Variants in STK32B observed in about 807,000 individuals in gnomAD.
The protein encoded by STK32B is serine/threonine kinase 32B.
STK32B carries 43 observed loss-of-function variants against 52.6 expected under a neutral mutation model. The observed-to-expected ratio is 0.82, with a 90% CI of 0.64 to 1.05. The LOEUF is 1.05. Ranked by LOEUF, STK32B falls within the 50% of genes least tolerant of loss-of-function variation. STK32B has a pLI of 0.00. For synonymous variants in STK32B, 238 were observed against 204.3 expected, an observed-to-expected ratio of 1.17 and a Z score of -1.41; for missense variants, 621 against 534.6, an observed-to-expected ratio of 1.16 and a Z score of -1.59.
intron 4 of STK32B, among the ~76,000 whole-genome samples, chr4:5,356,135 TTA>T (rs1489900939): frequency 1.3e-5 from 2 of 152,072 alleles, no homozygotes; most frequent in Admixed American, 6.5e-5. Context: ...GGAGGTGGCT[TTA>T]TATCTGACTG....
intron 5 of STK32B, among the ~76,000 whole-genome samples, chr4:5,407,990 G>A (rs1409426222): frequency 1.3e-5 from 2 of 152,104 alleles, no homozygotes; most frequent in African/African-American, 4.8e-5. Context: ...TGAGAACACA[G>A]CAAGAAGTTG....
At chr4:5,351,471 G>C (rs904922297) in intron 4 of STK32B, among the ~76,000 whole-genome samples, 2 of 152,016 alleles carry the variant, frequency 1.3e-5, no homozygotes, top group Non-Finnish European at 2.9e-5. Context: ...GCAGTGCTAA[G>C]AGGGAAGTTT....
chr4:5,302,215 A>G (rs975488286), intron 3 of STK32B, among the ~76,000 whole-genome samples: 6 of 151,640 alleles, frequency 4.0e-5, no homozygotes, highest in Admixed American at 1.3e-4. Context: ...ATTGTAAAAA[A>G]AAAAATCACA....
At chr4:5,304,028 T>G (rs1280174549) in intron 3 of STK32B, among the ~76,000 whole-genome samples, 2 of 152,188 alleles carry the variant, frequency 1.3e-5, no homozygotes, top group African/African-American at 4.8e-5. Context: ...TTCTGTTCCA[T>G]TAGTCTATAT....
At chr4:5,337,947 T>C (rs1459114606) in intron 4 of STK32B, among the ~76,000 whole-genome samples, 1 of 152,192 alleles carries the variant, frequency 6.6e-6, no homozygotes, top group Non-Finnish European at 1.5e-5. Context: ...GCTAAATCTT[T>C]GTCTTCCCTA....
chr4:5,283,440 A>G (rs1190852617), intron 3 of STK32B, among the ~76,000 whole-genome samples: 1 of 152,182 alleles, frequency 6.6e-6, no homozygotes, highest in Non-Finnish European at 1.5e-5. Context: ...TAATGGCCCC[A>G]TATTTCCCAA....
chr4:5,337,018 G>A (rs1008557147), intron 4 of STK32B, among the ~76,000 whole-genome samples: 3 of 152,086 alleles, frequency 2.0e-5, no homozygotes, highest in Non-Finnish European at 4.4e-5. Context: ...TTTTGCTGTC[G>A]TTCAGGCTAG....
chr4:5,024,755 A>G, the STK32B span, among the ~76,000 whole-genome samples: 1 of 152,224 alleles, frequency 6.6e-6, no homozygotes, highest in Non-Finnish European at 1.5e-5. Context: ...AGAGCAAGCC[A>G]GAGTATTGGG....
intron 3 of STK32B, among the ~76,000 whole-genome samples, chr4:5,275,094 G>C (rs867240849): frequency 1.3e-5 from 2 of 152,180 alleles, no homozygotes; most frequent in African/African-American, 2.4e-5. Flanking sequence ...AAGAACCCCA[G>C]GTCAGAGAAC....
At chr4:5,040,300 A>AT in the STK32B span, among the ~76,000 whole-genome samples, 1 of 151,318 alleles carries the variant, frequency 6.6e-6, no homozygotes, top group African/African-American at 2.4e-5. Context: ...CAACTCCTTC[A>AT]TTTTTTTCAG....
intron 2 of STK32B, among the ~76,000 whole-genome samples, chr4:5,160,642 CTCAT>C (rs1460610234): frequency 1.3e-5 from 2 of 152,182 alleles, no homozygotes; most frequent in African/African-American, 4.8e-5. Flanking sequence ...ATAGTAATGA[CTCAT>C]TCATTCATTC....
At chr4:5,312,615 C>G (rs1013430216) in intron 3 of STK32B, among the ~76,000 whole-genome samples, 8 of 151,992 alleles carry the variant, frequency 5.3e-5, no homozygotes, top group African/African-American at 1.7e-4. Context: ...AGGACATGAA[C>G]TCATCATTTT....
chr4:5,137,202 T>C (rs1716127756), intron 1 of STK32B, among the ~76,000 whole-genome samples: 1 of 152,178 alleles, frequency 6.6e-6, no homozygotes, highest in Non-Finnish European at 1.5e-5. Flanking sequence ...GCAGTAATCA[T>C]GCACTCCCTA....
chr4:5,200,778 C>G (rs1383400499), intron 3 of STK32B, among the ~76,000 whole-genome samples: 1 of 152,132 alleles, frequency 6.6e-6, no homozygotes, highest in Non-Finnish European at 1.5e-5. Flanking sequence ...ACAGATTTCA[C>G]CAAGCATCAC....
At chr4:5,351,178 A>G (rs1014590239) in intron 4 of STK32B, among the ~76,000 whole-genome samples, 5 of 152,086 alleles carry the variant, frequency 3.3e-5, no homozygotes, top group African/African-American at 1.2e-4. Context: ...CAGCTACAGA[A>G]TACATCAGTA....
intron 4 of STK32B, among the ~76,000 whole-genome samples, chr4:5,379,596 G>C (rs1421754293): frequency 1.3e-5 from 2 of 152,120 alleles, no homozygotes; most frequent in African/African-American, 4.8e-5. Flanking sequence ...TCTTTACAGA[G>C]GTTATTAAGT....
chr4:5,088,593 A>C (rs757480448), intron 1 of STK32B, among the ~76,000 whole-genome samples: 3 of 152,048 alleles, frequency 2.0e-5, no homozygotes, highest in Non-Finnish European at 4.4e-5. Flanking sequence ...CATACATTTT[A>C]AAATAACTAA....
chr4:5,371,300 C>A (rs1426521949), intron 4 of STK32B, among the ~76,000 whole-genome samples: 1 of 152,038 alleles, frequency 6.6e-6, no homozygotes, highest in East Asian at 1.9e-4. Context: ...AAAGACAGGC[C>A]AAGGGCTTAT....
chr4:5,437,036 T>C (rs1714145489), intron 6 of STK32B, among the ~76,000 whole-genome samples: 1 of 152,164 alleles, frequency 6.6e-6, no homozygotes, highest in African/African-American at 2.4e-5. Flanking sequence ...CACCAGGTCC[T>C]GGGAGGGAAG....
Sources: gnomAD v4.1 joint callset for allele counts (sites outside exome capture counted in the v4.1 genomes callset) on GRCh38, gnomAD v4.1.1 for gene constraint, MANE v1.5 for transcripts, NCBI Gene and HGNC (gene_info 2026-07-23, HGNC 2026-07-21) for gene names.